Variants in PLB1 observed in about 807,000 individuals in gnomAD.
PLB1 encodes phospholipase B1, membrane-associated.
A neutral mutation model predicts 227.4 loss-of-function variants in PLB1; 242 were observed. The ratio of observed to expected loss-of-function variants is 1.06; its 90% CI spans 0.96 to 1.18. The LOEUF (loss-of-function observed/expected upper bound fraction) is 1.18. PLB1 is among the 50% of genes most tolerant of loss of function. PLB1 has a pLI of 0.00. For missense variants in PLB1, 1,858 were observed against 1,816.3 expected, an observed-to-expected ratio of 1.02 and a Z score of -0.42; for synonymous variants, 757 against 682.2, an observed-to-expected ratio of 1.11 and a Z score of -1.71.
intron 14 of PLB1, among the ~76,000 whole-genome samples, chr2:28,546,483 C>T (rs549019469): frequency 2.0e-5 from 3 of 152,240 alleles, no homozygotes; most frequent in South Asian, 2.1e-4. Context: ...GGCAGGAAGC[C>T]GTGCTGGGGA....
At chr2:28,547,495 T>C (rs1572895981) in intron 14 of PLB1, among the ~76,000 whole-genome samples, 1 of 152,348 alleles carries the variant, frequency 6.6e-6, no homozygotes, top group South Asian at 2.1e-4. Flanking sequence ...CCAATTCCAC[T>C]AAGGGTAAAG....
intron 20 of PLB1, among the ~76,000 whole-genome samples, chr2:28,571,826 A>G (rs545384784): frequency 6.6e-6 from 1 of 152,188 alleles, no homozygotes; most frequent in East Asian, 1.9e-4. Flanking sequence ...TAAGAGCTAA[A>G]ACTAACTCTA....
chr2:28,598,651 G>C lies in PLB1; in HGVS notation c.2366-1G>C. ...TGCATCCCATTCACCTTCTCTTCCA[G>C]ATATCCTTCGGGAGTTTAACAGAAA... On this transcript the variant is annotated splice_acceptor_variant, in intron 34 of 57. Coordinates refer to ENST00000327757, the MANE Select transcript of PLB1 (RefSeq NM_153021.5). LOFTEE classifies it high-confidence loss of function. The C allele has an allele frequency of 6.2e-7, 1 of 1,612,420 alleles. No individual in the cohort carries two copies. The highest frequency in any genetic ancestry group is 8.5e-7 in the Non-Finnish European group (1 of 1,178,402).
At chr2:28,581,030 G>A (rs565011821) in intron 23 of PLB1, among the ~76,000 whole-genome samples, 1 of 152,014 alleles carries the variant, frequency 6.6e-6, no homozygotes, top group African/African-American at 2.4e-5. Context: ...CTGGTAGCCC[G>A]TGGGGAGGTG....
rs757812920 is a variant in PLB1 at position 28,573,330 on chromosome 2, G to A, written c.1433+25G>A. On this transcript the variant is annotated intron_variant, in intron 21 of 57. Coordinates refer to ENST00000327757, the MANE Select transcript of PLB1 (RefSeq NM_153021.5). ...AGTAAGCAGGGGTGACCGGGGCGGT[G>A]AACAGCACAGGTCCTCTGAGGACCA... 9.1e-6 allele frequency: 14 copies of A among 1,545,908 alleles called. No homozygotes were observed. In the South Asian group the frequency reaches 1.6e-4, roughly 17 times the overall value.
chr2:28,603,318 G>A (rs772410603), intron 39 of PLB1, among the ~76,000 whole-genome samples: 1 of 152,134 alleles, frequency 6.6e-6, no homozygotes, highest in Non-Finnish European at 1.5e-5. Context: ...AAGAGAATTA[G>A]GAGGGACACA....
At chr2:28,563,009 C>A (rs771337492) in intron 17 of PLB1, 32 bp from the exon 18 acceptor site, 1 of 1,595,510 alleles carries the variant, frequency 6.3e-7, no homozygotes, top group South Asian at 1.1e-5. Flanking sequence ...CTGGAAGCCC[C>A]ATTTTCCACT....
rs377403090 is a variant in PLB1 at position 28,518,453 on chromosome 2, T to C, written c.118-13T>C. On this transcript the variant is annotated splice_polypyrimidine_tract_variant and intron_variant, in intron 2 of 57. Transcript: ENST00000327757. ...AGGCAGTTGATGTTTCTGATGTTCG[T>C]TTTCAATTGCAGACCCTGAAGAATT... 2.5e-6 allele frequency: 4 copies of C among 1,604,068 alleles called. No individual in the cohort carries two copies. The African/African-American group carries it at 4.0e-5, about 16-fold the overall frequency.
chr2:28,536,289 T>A (rs2148200612), intron 9 of PLB1, among the ~76,000 whole-genome samples: 1 of 152,298 alleles, frequency 6.6e-6, no homozygotes, highest in Middle Eastern at 3.4e-3. Context: ...GGCAGGTGCT[T>A]TGGAGGTAAA....
At chr2:28,551,602 G>A (rs529185824) in intron 16 of PLB1, among the ~76,000 whole-genome samples, 22 of 152,308 alleles carry the variant, frequency 1.4e-4, no homozygotes, top group Admixed American at 4.6e-4. Context: ...CACCTGAGAC[G>A]CAGCATGGCA....
At chr2:28,591,988 G>T (rs577550424) in intron 31 of PLB1, among the ~76,000 whole-genome samples, 1 of 152,268 alleles carries the variant, frequency 6.6e-6, no homozygotes, top group South Asian at 2.1e-4. Flanking sequence ...GCCGTCTCCT[G>T]CCCACCTGCG....
At chr2:28,633,124 A>G (rs1688870982) in intron 56 of PLB1, 85 bp downstream of exon 56, 1 of 1,171,246 alleles carries the variant, frequency 8.5e-7, no homozygotes, top group Non-Finnish European at 1.3e-6. Flanking sequence ...AAACTACTGG[A>G]GACATGGCTC....
At chr2:28,534,869 AAAAAG>A (rs1433404155) in intron 9 of PLB1, among the ~76,000 whole-genome samples, 21 of 64,636 alleles carry the variant, frequency 3.2e-4, no homozygotes, top group African/African-American at 6.7e-4. Flanking sequence ...AAAATAAAAA[AAAAAG>A]AAAAGAAAAA....
At chr2:28,607,564 T>G (rs1573393854) in intron 43 of PLB1, among the ~76,000 whole-genome samples, 1 of 152,146 alleles carries the variant, frequency 6.6e-6, no homozygotes, top group Non-Finnish European at 1.5e-5. Context: ...CTGGGTCTTG[T>G]GCTTGGAGCT....
At chr2:28,595,640 A>C (rs966685283) in intron 33 of PLB1, 2 of 152,188 alleles carry the variant, frequency 1.3e-5, no homozygotes, top group African/African-American at 4.8e-5. Flanking sequence ...AACACCTGTT[A>C]ACACCTCCTG....
chr2:28,590,345 G>C (rs1391594620), intron 29 of PLB1, among the ~76,000 whole-genome samples: 1 of 152,140 alleles, frequency 6.6e-6, no homozygotes, highest in East Asian at 1.9e-4. Flanking sequence ...CAGGCAAGAT[G>C]AGCATGGCAG....
intron 45 of PLB1, among the ~76,000 whole-genome samples, 195 bp downstream of exon 45, chr2:28,617,982 C>T (rs1686438595): frequency 6.6e-6 from 1 of 152,218 alleles, no homozygotes; most frequent in South Asian, 2.1e-4. Context: ...TTGGATGCTA[C>T]TTCTTGTCTC....
In PLB1 at chr2:28,601,936, G is replaced by C. The variant is rs72793588; in HGVS notation, c.2645G>C (p.Arg882Pro). The change falls in exon 38 of 58, where the codon CGC becomes CCC. Residue 882 changes from arginine (R) to proline (P), a missense_variant. Coordinates refer to ENST00000327757, the MANE Select transcript of PLB1 (RefSeq NM_153021.5). Reference sequence around the variant, plus strand: ...GCAGCCAACTTTGTTCACCATCTCCGCAATGCCTTGGACGTCCTGCATAGA... The same window carrying C: ...GCAGCCAACTTTGTTCACCATCTCCCCAATGCCTTGGACGTCCTGCATAGA... ...YSAANFVHHL[R>P]NALDVLHREV... is the part of the protein sequence containing the mutation. 6.2e-7 allele frequency: 1 copy of C among 1,610,996 alleles called. No individual in the cohort carries two copies. The highest frequency in any genetic ancestry group is 1.1e-5 in the South Asian group (1 of 91,010).
At chr2:28,526,050 C>T (rs1670218667) in intron 6 of PLB1, 105 bp downstream of exon 6, 4 of 1,258,622 alleles carry the variant, frequency 3.2e-6, no homozygotes, top group Non-Finnish European at 3.4e-6. Flanking sequence ...CACTTTATCA[C>T]TGGAGCCCAG....
Sources: gnomAD v4.1 joint callset for allele counts (sites outside exome capture counted in the v4.1 genomes callset) on GRCh38, gnomAD v4.1.1 for gene constraint, MANE v1.5 for transcripts, NCBI Gene and HGNC (gene_info 2026-07-23, HGNC 2026-07-21) for gene names.